SS18: variants seen among roughly 807,000 people sequenced by gnomAD.
SS18 encodes SS18 subunit of BAF chromatin remodeling complex, also known as protein SSXT.
Under a neutral mutation model 72.5 loss-of-function variants are expected in SS18, and 28 were observed. The ratio of observed to expected loss-of-function variants is 0.39; its 90% CI spans 0.29 to 0.53. The LOEUF (loss-of-function observed/expected upper bound fraction) is 0.53, where lower values mean the gene tolerates loss of function less well. SS18 is among the 20% of genes least tolerant of loss of function. SS18 has a pLI of 0.76. For synonymous variants in SS18, 172 were observed against 164.2 expected, an observed-to-expected ratio of 1.05 and a Z score of -0.37; for missense variants, 518 against 535.3, an observed-to-expected ratio of 0.97 and a Z score of 0.32.
intron 2 of SS18, among the ~76,000 whole-genome samples, chr18:26,079,357 T>C (rs2054476113): frequency 6.6e-6 from 1 of 152,228 alleles, no homozygotes; most frequent in Non-Finnish European, 1.5e-5. Flanking sequence ...ATCACTAGTG[T>C]TTTGTCTCAG....
chr18:26,024,277 A>T (rs2053407308), intron 10 of SS18, among the ~76,000 whole-genome samples: 1 of 152,224 alleles, frequency 6.6e-6, no homozygotes, highest in Admixed American at 6.5e-5. Context: ...TAATAGGTAT[A>T]CAGTTTATCA....
chr18:26,041,239 A>C (rs969874131), intron 5 of SS18, among the ~76,000 whole-genome samples: 2 of 152,186 alleles, frequency 1.3e-5, no homozygotes, highest in Non-Finnish European at 2.9e-5. Context: ...CCTGGCCAAC[A>C]TGGTGAAACC....
chr18:26,082,286 T>C (rs1442257946), intron 2 of SS18: 1 of 749,660 alleles, frequency 1.3e-6, no homozygotes, highest in Non-Finnish European at 1.6e-6. Context: ...TTGAATAAAG[T>C]AAAATGGACA....
At chr18:26,061,755 C>T (rs2054127809) in intron 3 of SS18, among the ~76,000 whole-genome samples, 1 of 151,188 alleles carries the variant, frequency 6.6e-6, no homozygotes. Flanking sequence ...TTTAGATGAA[C>T]AAAAGTTAAG....
intron 2 of SS18, among the ~76,000 whole-genome samples, chr18:26,084,850 G>A (rs1010461382): frequency 1.3e-5 from 2 of 152,102 alleles, no homozygotes; most frequent in African/African-American, 4.8e-5. Context: ...CTGGACCCTG[G>A]ACCAGAAAAT....
At chr18:26,044,026 T>G (rs2053775837) in intron 5 of SS18, among the ~76,000 whole-genome samples, 1 of 152,212 alleles carries the variant, frequency 6.6e-6, no homozygotes, top group East Asian at 1.9e-4. Context: ...TATTCTCAAC[T>G]GTGGGCAGTT....
intron 4 of SS18, among the ~76,000 whole-genome samples, chr18:26,055,749 C>CTGTTTTTTTTTTTTT (rs1281536910): frequency 1.4e-5 from 2 of 145,924 alleles, no homozygotes; most frequent in South Asian, 4.3e-4. Context: ...GAAATTCTTT[C>CTGTTTTTTTTTTTTT]TGTTTTTTTT....
chr18:26,073,986 T>C (rs2054363348), intron 3 of SS18, among the ~76,000 whole-genome samples: 1 of 152,118 alleles, frequency 6.6e-6, no homozygotes, highest in South Asian at 2.1e-4. Flanking sequence ...AAGATCACAT[T>C]TGAATTTCCA....
At chr18:26,021,835 T>C (rs2053356207) in intron 10 of SS18, among the ~76,000 whole-genome samples, 1 of 152,180 alleles carries the variant, frequency 6.6e-6, no homozygotes, top group South Asian at 2.1e-4. Context: ...TAGAAAAAAT[T>C]ATAAATTTAT....
chr18:26,035,149 G>C lies in SS18; in HGVS notation c.974-22C>G. ...TTTCCTACAGGATAATTGGAGAAGA[G>C]GAAAAAAAACTGAGAAGTCTGCTTA... On this transcript the variant is annotated intron_variant, in intron 8 of 10. Transcript: ENST00000415083. This position sits in a 1 kb window ranked among gnomAD's most constrained non-coding sequence, Gnocchi z 4.4. 6.2e-7 allele frequency: 1 copy of C among 1,602,188 alleles called. No individual in the cohort carries two copies. Among genetic ancestry groups the C allele is most frequent in the Non-Finnish European group, 8.5e-7 (1 of 1,175,000 alleles).
At chr18:26,068,301 G>A (rs1366252223) in intron 3 of SS18, 3 of 152,084 alleles carry the variant, frequency 2.0e-5, no homozygotes, top group Non-Finnish European at 4.4e-5. Flanking sequence ...GTACAGAACA[G>A]GGTACACGGC....
intron 7 of SS18, among the ~76,000 whole-genome samples, chr18:26,037,678 T>C (rs1049834781): frequency 7.9e-5 from 12 of 152,140 alleles, no homozygotes; most frequent in Non-Finnish European, 1.8e-4. Context: ...AGTTTCTTAG[T>C]TTCTCTGTTC....
chr18:26,050,765 C>T (rs1391841905), intron 5 of SS18, among the ~76,000 whole-genome samples: 3 of 151,800 alleles, frequency 2.0e-5, no homozygotes, highest in Non-Finnish European at 4.4e-5. Flanking sequence ...AAAAATTAGC[C>T]GGGCGTAGTG....
intron 10 of SS18, among the ~76,000 whole-genome samples, chr18:26,021,839 A>C (rs1598520673): frequency 6.6e-6 from 1 of 152,158 alleles, no homozygotes; most frequent in East Asian, 1.9e-4. Context: ...AAAAATTATA[A>C]ATTTATTTTG....
At chr18:26,055,755 TTTTTTTTTTTG>T (rs1009458496) in intron 4 of SS18, among the ~76,000 whole-genome samples, 1 of 148,412 alleles carries the variant, frequency 6.7e-6, no homozygotes, top group Non-Finnish European at 1.5e-5. Context: ...CTTTCTGTTT[TTTTTTTTTTTG>T]TTTTTTTTTT....
At chr18:26,078,370 G>A (rs2054455066) in intron 2 of SS18, 2 of 407,572 alleles carry the variant, frequency 4.9e-6, no homozygotes, top group African/African-American at 4.1e-5. Flanking sequence ...ATGCTAAATA[G>A]TGTTATAATT....
chr18:26,090,770 A>AC (rs2144217694), upstream of SS18: 2 of 609,026 alleles, frequency 3.3e-6, no homozygotes, highest in Admixed American at 3.0e-5. Flanking sequence ...ACTCTGGGGG[A>AC]CCCCTAGCCC....
chr18:26,038,546 A>T lies in SS18; in HGVS notation c.880+9T>A. On this transcript the variant is annotated intron_variant, in intron 7 of 10. Transcript: ENST00000415083. ...AGAAAATGGGAAAGTTAACATCAGG[A>T]GAGATTACCATCAGGGTAATATTGC... 1 of 1,601,802 alleles carries T rather than the reference A, an allele frequency of 6.2e-7. No individual in the cohort carries two copies. Among genetic ancestry groups the T allele is most frequent in the Non-Finnish European group, 8.6e-7 (1 of 1,168,948 alleles).
intron 3 of SS18, among the ~76,000 whole-genome samples, chr18:26,074,619 T>G (rs1262776440): frequency 6.6e-6 from 1 of 151,966 alleles, no homozygotes; most frequent in East Asian, 1.9e-4. Flanking sequence ...TGCAATAAGT[T>G]TATTATTTTT....
Sources: allele counts gnomAD v4.1 joint callset (sites outside exome capture counted in the v4.1 genomes callset), GRCh38; gene constraint gnomAD v4.1.1; non-coding constraint Gnocchi (gnomAD v3.1); transcripts MANE v1.5; gene names NCBI Gene and HGNC (gene_info 2026-07-23, HGNC 2026-07-21).